DNAH3: variants seen among roughly 807,000 people sequenced by gnomAD.
DNAH3 encodes the protein dynein axonemal heavy chain 3, also known as axonemal beta dynein heavy chain 3.
DNAH3 carries 332 observed loss-of-function variants against 432.5 expected under a neutral mutation model. That is an observed-to-expected ratio of 0.77 (90% confidence interval 0.70 to 0.84). DNAH3 has a LOEUF of 0.84. DNAH3 is among the 40% of genes least tolerant of loss of function. The pLI is 0.00. For synonymous variants in DNAH3, 1,956 were observed against 1,900.2 expected, an observed-to-expected ratio of 1.03 and a Z score of -0.76; for missense variants, 4,861 against 5,114.0, an observed-to-expected ratio of 0.95 and a Z score of 1.51.
chr16:20,950,713 G>T (rs2152575521), intron 56 of DNAH3, among the ~76,000 whole-genome samples: 1 of 152,296 alleles, frequency 6.6e-6, no homozygotes, highest in South Asian at 2.1e-4. Flanking sequence ...GCTGCATTTT[G>T]ACCTTCAGCC....
chr16:20,948,010 A>G (rs2084128658), intron 57 of DNAH3, among the ~76,000 whole-genome samples: 1 of 152,180 alleles, frequency 6.6e-6, no homozygotes, highest in Non-Finnish European at 1.5e-5. Context: ...TCCTGAGCTT[A>G]AGTGATCCAC....
chr16:20,946,107 G>T (rs999290734), intron 57 of DNAH3, among the ~76,000 whole-genome samples: 2 of 152,160 alleles, frequency 1.3e-5, no homozygotes, highest in African/African-American at 4.8e-5. Context: ...GGAAGTGGGG[G>T]TCAGACATGC....
chr16:21,145,369 T>G, exon 3 of DNAH3: 1 of 1,614,178 alleles, frequency 6.2e-7, no homozygotes, highest in Non-Finnish European at 8.5e-7. Context: ...TGACGTGCGT[T>G]GCATCAAGGG....
chr16:21,142,643 A>G (rs943906665), intron 3 of DNAH3, among the ~76,000 whole-genome samples: 1 of 150,168 alleles, frequency 6.7e-6, no homozygotes, highest in African/African-American at 2.5e-5. Context: ...TATAACAACA[A>G]TACAAAAATC....
In DNAH3 at chr16:20,975,255, GC is replaced by G; in HGVS notation, c.8236del (p.Ala2746LeufsTer15). 6.2e-7 allele frequency: 1 copy of G among 1,613,702 alleles called. No homozygotes were observed. Among genetic ancestry groups the G allele is most frequent in the Non-Finnish European group, 8.5e-7 (1 of 1,180,000 alleles). On this transcript the variant is annotated frameshift_variant, in exon 51 of 62. Coordinates refer to ENST00000261383, the Ensembl canonical transcript of DNAH3. LOFTEE classifies it high-confidence loss of function. ...TACCTTGATTCCTTGGGCAATGGCA[GC>G]AGCAACATTGGCTTCTTTTTCATCT...
chr16:21,069,596 T>A lies in DNAH3; in HGVS notation c.3202-2A>T, dbSNP rs200587300. 7.0e-5 allele frequency: 113 copies of A among 1,610,198 alleles called. No homozygotes were observed. The African/African-American group carries it at 1.5e-3, about 21-fold the overall frequency. On this transcript the variant is annotated splice_acceptor_variant, in intron 22 of 61. Coordinates refer to ENST00000261383, the Ensembl canonical transcript of DNAH3. LOFTEE classifies it high-confidence loss of function. ...GCGAATTAGCTTTTCTTCCCATTTC[T>A]GTGAATTTAGCATTTCATATCTGGA...
intron 50 of DNAH3, among the ~76,000 whole-genome samples, chr16:20,977,309 G>GGA (rs1330723201): frequency 2.0e-5 from 3 of 152,136 alleles, no homozygotes; most frequent in Non-Finnish European, 4.4e-5. Context: ...TGCGGGAGGT[G>GGA]GAGGTTGCAG....
chr16:20,945,196 C>T (rs1398071242), intron 57 of DNAH3, among the ~76,000 whole-genome samples: 6 of 152,164 alleles, frequency 3.9e-5, no homozygotes, highest in Admixed American at 2.6e-4. Flanking sequence ...ACGGAAGTGA[C>T]CTCTAGTTGA....
chr16:21,081,481 C>T (rs149911160), intron 20 of DNAH3, among the ~76,000 whole-genome samples, 155 bp downstream of exon 20: 16 of 151,854 alleles, frequency 1.1e-4, no homozygotes, highest in East Asian at 5.8e-4. Flanking sequence ...TTCACCAATA[C>T]GAGTTGGTAG....
intron 59 of DNAH3, among the ~76,000 whole-genome samples, chr16:20,938,936 T>C (rs2083700005): frequency 6.6e-6 from 1 of 152,072 alleles, no homozygotes; most frequent in Non-Finnish European, 1.5e-5. Context: ...GATAATTTTA[T>C]GTATTTTTGG....
chr16:20,939,029 G>T (rs144357076), intron 59 of DNAH3, among the ~76,000 whole-genome samples: 1 of 152,264 alleles, frequency 6.6e-6, no homozygotes, highest in African/African-American at 2.4e-5. Context: ...AAAGTGCTGG[G>T]ATTACAGTGC....
chr16:20,937,529 C>CTTTTT (rs71377696), intron 59 of DNAH3, among the ~76,000 whole-genome samples: 5 of 121,298 alleles, frequency 4.1e-5, no homozygotes, highest in Non-Finnish European at 5.1e-5. Context: ...CAAAGTTGTT[C>CTTTTT]TTTTTTTTTT....
At chr16:20,985,249 T>C (rs1441923851) in exon 48 of DNAH3, 1 of 1,614,186 alleles carries the variant, frequency 6.2e-7, no homozygotes, top group Non-Finnish European at 8.5e-7. Context: ...GAATGATTCA[T>C]CCTTGATCTG....
At chr16:20,998,538 C>A (rs2086865058) in intron 43 of DNAH3, among the ~76,000 whole-genome samples, 1 of 152,224 alleles carries the variant, frequency 6.6e-6, no homozygotes, top group Non-Finnish European at 1.5e-5. Context: ...CAGGCGTGAG[C>A]CACCACACCC....
chr16:21,041,403 A>T (rs2089436755), intron 32 of DNAH3, among the ~76,000 whole-genome samples: 1 of 152,084 alleles, frequency 6.6e-6, no homozygotes, highest in Non-Finnish European at 1.5e-5. Context: ...GTGGATCCAA[A>T]TTCTATCTTG....
At chr16:21,039,760 T>C (rs1219715213) in intron 33 of DNAH3, 92 bp downstream of exon 33, 1 of 966,392 alleles carries the variant, frequency 1.0e-6, no homozygotes, top group Non-Finnish European at 1.7e-6. Context: ...CTTCTCTCTC[T>C]TCTTCCAATG....
chr16:21,040,709 G>A (rs1469232754), intron 32 of DNAH3, among the ~76,000 whole-genome samples: 1 of 152,018 alleles, frequency 6.6e-6, no homozygotes, highest in Non-Finnish European at 1.5e-5. Flanking sequence ...CGACTAGCAT[G>A]GGCAAGTTAT....
intron 7 of DNAH3, among the ~76,000 whole-genome samples, chr16:21,133,608 C>T (rs951412221): frequency 2.6e-4 from 39 of 151,574 alleles, no homozygotes; most frequent in African/African-American, 8.0e-4. Flanking sequence ...GGCATGGTGG[C>T]GCATGCCTGT....
chr16:21,000,813 G>T (rs890820279), intron 42 of DNAH3, among the ~76,000 whole-genome samples: 43 of 152,314 alleles, frequency 2.8e-4, no homozygotes, highest in African/African-American at 9.4e-4. Flanking sequence ...TCTGCAACCT[G>T]CTCAAGTAAC....
Sources: allele counts gnomAD v4.1 joint callset (sites outside exome capture counted in the v4.1 genomes callset), GRCh38; gene constraint gnomAD v4.1.1; transcripts MANE v1.5; gene names NCBI Gene and HGNC (gene_info 2026-07-23, HGNC 2026-07-21).